ACOX2: variants seen among roughly 807,000 people sequenced by gnomAD.
ACOX2 encodes the protein peroxisomal acyl-coenzyme A oxidase 2.
ACOX2 carries 59 observed loss-of-function variants against 77.5 expected under a neutral mutation model. The observed-to-expected ratio is 0.76, with a 90% CI of 0.62 to 0.95. The LOEUF is 0.95. ACOX2 is among the 40% of genes least tolerant of loss of function. ACOX2 has a pLI of 0.00. For synonymous variants in ACOX2, 317 were observed against 340.1 expected, an observed-to-expected ratio of 0.93 and a Z score of 0.75; for missense variants, 837 against 880.4, an observed-to-expected ratio of 0.95 and a Z score of 0.62.
In ACOX2 at chr3:58,528,751, C is replaced by T; in HGVS notation, c.1155+43G>A. Reference sequence around the variant, plus strand: ...CCCAGTGAGTGGAACAATCTTAGCTCCCAGCGCCTGCCAGCGCCTGCCCCT... The same window carrying T: ...CCCAGTGAGTGGAACAATCTTAGCTTCCAGCGCCTGCCAGCGCCTGCCCCT... On this transcript the variant is annotated intron_variant, in intron 9 of 14. Coordinates refer to ENST00000302819, the MANE Select transcript of ACOX2 (RefSeq NM_003500.4). This position sits in a 1 kb window ranked among gnomAD's most constrained non-coding sequence, Gnocchi z 5.6. 1 of 1,565,218 alleles carries T rather than the reference C, an allele frequency of 6.4e-7. No individual in the cohort carries two copies. Among genetic ancestry groups the T allele is most frequent in the Non-Finnish European group, 8.7e-7 (1 of 1,155,630 alleles).
At position 58,533,370 on chromosome 3, in the gene ACOX2, A is replaced by G. The variant is rs548554003; in HGVS notation, c.583+75T>C. 17 of 1,380,418 alleles carry G rather than the reference A, an allele frequency of 1.2e-5. No individual in the cohort carries two copies. The highest frequency in any genetic ancestry group is 1.6e-5 in the Non-Finnish European group (16 of 980,690). The allele number at this position is 1,380,418 out of a possible 1,614,324, so 85.5% of individuals were successfully genotyped here. ...TCAATCTGAGGTCTGTTGGACCTCA[A>G]AGCCAGTGCTACTCTGCCCTCCAAC... On this transcript the variant is annotated intron_variant, in intron 5 of 14. Coordinates refer to ENST00000302819, the MANE Select transcript of ACOX2 (RefSeq NM_003500.4). This position sits in a 1 kb window ranked among gnomAD's most constrained non-coding sequence, Gnocchi z 5.6.
In ACOX2 at chr3:58,512,486, C is replaced by T. The variant is rs892487190; in HGVS notation, c.1851-3461G>A. Among the ~76,000 whole-genome samples, 3 of 152,086 alleles carry T rather than the reference C, an allele frequency of 2.0e-5. No homozygotes were observed. Among genetic ancestry groups the T allele is most frequent in the Non-Finnish European group, 4.4e-5 (3 of 68,000 alleles). On this transcript the variant is annotated intron_variant, in intron 13 of 14. Coordinates refer to ENST00000302819, the MANE Select transcript of ACOX2 (RefSeq NM_003500.4). This position sits in a 1 kb window ranked among gnomAD's most constrained non-coding sequence, Gnocchi z 4.8. ...GTTGTGTCTATCCAATGCTCAAAAC[C>T]CTCCCATTCTATCCCATGCTCAAAA...
At position 58,515,962 on chromosome 3, in the gene ACOX2, A is replaced by C. The variant is rs1250127625; in HGVS notation, c.1850+1244T>G. 6.9e-6 allele frequency among the ~76,000 whole-genome samples: 1 copy of C among 144,570 alleles called. No individual in the cohort carries two copies. The highest frequency in any genetic ancestry group is 1.5e-5 in the Non-Finnish European group (1 of 66,540). 94.8% of individuals were successfully genotyped at this position (144,570 alleles called of 152,430 possible). On this transcript the variant is annotated intron_variant, in intron 13 of 14. Transcript: ENST00000302819. The surrounding 1 kb of genome is among the most constrained non-coding windows in gnomAD (Gnocchi z 4.0). ...TTTTTTGTAGAGGTGGGGTTTTGCC[A>C]TGTTGCCCAGGCTTTTTTTTTTCTT...
rs978369035 is a variant in ACOX2, at chr3:58,521,394, G to A, written c.1632+1102C>T. Among the ~76,000 whole-genome samples the A allele has an allele frequency of 4.7e-4, 72 of 152,190 alleles. No individual in the cohort carries two copies. The highest frequency in any genetic ancestry group is 5.6e-4 in the Non-Finnish European group (38 of 68,036). On this transcript the variant is annotated intron_variant, in intron 12 of 14. Coordinates refer to ENST00000302819, the MANE Select transcript of ACOX2 (RefSeq NM_003500.4). The surrounding 1 kb of genome is among the most constrained non-coding windows in gnomAD (Gnocchi z 4.8). The stretch of plus-strand genomic sequence containing the variant: ...TCACTTTAGTTTTCCAGTTATTGGC[G>A]GTGCCAGAGTCCCAGCTGCCTAAGC...
Position 58,522,481 on chromosome 3 carries a change from C to A in ACOX2, c.1632+15G>T, listed in dbSNP as rs764046245. The A allele has an allele frequency of 4.2e-5, 67 of 1,612,630 alleles. No individual in the cohort carries two copies. Among genetic ancestry groups the A allele is most frequent in the Non-Finnish European group, 2.3e-5 (27 of 1,178,806 alleles). The stretch of plus-strand genomic sequence containing the variant: ...CAAAATGGATCCCTTTCAGCTTCAG[C>A]TGGCAGGCGCTCACCTTAGCAGCCT... On this transcript the variant is annotated intron_variant, in intron 12 of 14. Coordinates refer to ENST00000302819, the MANE Select transcript of ACOX2 (RefSeq NM_003500.4). The surrounding 1 kb of genome is among the most constrained non-coding windows in gnomAD (Gnocchi z 4.3).
At chr3:58,508,451 A>T (rs898213618) in intron 14 of ACOX2, among the ~76,000 whole-genome samples, 1 of 152,228 alleles carries the variant, frequency 6.6e-6, no homozygotes, top group African/African-American at 2.4e-5. Context: ...TAAGAGAGAC[A>T]TCCCTCAAGC....
At position 58,528,400 on chromosome 3, in the gene ACOX2, A is replaced by G. The variant is rs1181780993; in HGVS notation, c.1155+394T>C. Reference sequence around the variant, plus strand: ...AGTGGGGTTTGGGGCAGCTTTAGTGATTAAACACATTAATAATTTTACTGC... The same window carrying G: ...AGTGGGGTTTGGGGCAGCTTTAGTGGTTAAACACATTAATAATTTTACTGC... On this transcript the variant is annotated intron_variant, in intron 9 of 14. Coordinates refer to ENST00000302819, the MANE Select transcript of ACOX2 (RefSeq NM_003500.4). This position sits in a 1 kb window ranked among gnomAD's most constrained non-coding sequence, Gnocchi z 5.6. Among the ~76,000 whole-genome samples the G allele has an allele frequency of 6.6e-6, 1 of 152,218 alleles. No homozygotes were observed. Among genetic ancestry groups the G allele is most frequent in the Non-Finnish European group, 1.5e-5 (1 of 68,036 alleles).
intron 13 of ACOX2, among the ~76,000 whole-genome samples, chr3:58,510,689 TATATATATATATATATATATACACACAC>T (rs1176461141): frequency 0.05 from 801 of 16,056 alleles, 127 homozygotes; most frequent in East Asian, 0.17. Flanking sequence ...TATATATATA[TATATATATATATATATATATACACACAC>T]ACACACACAC....
rs2063228435 is a variant in ACOX2, at chr3:58,505,600, A to G, written c.1984-314T>C. Among the ~76,000 whole-genome samples, 1 of 152,216 alleles carries G rather than the reference A, an allele frequency of 6.6e-6. No individual in the cohort carries two copies. ...TGAGGCTCTCTGAAACTGAACATTAATCACAAAGCAAGGAACCAGATAGGG... is the reference window on the plus strand; with the variant it reads ...TGAGGCTCTCTGAAACTGAACATTAGTCACAAAGCAAGGAACCAGATAGGG... On this transcript the variant is annotated intron_variant, in intron 14 of 14. Coordinates refer to ENST00000302819, the MANE Select transcript of ACOX2 (RefSeq NM_003500.4). This position sits in a 1 kb window ranked among gnomAD's most constrained non-coding sequence, Gnocchi z 4.4.
At chr3:58,509,160 T>A (rs769767733) in intron 13 of ACOX2, 135 bp from the exon 14 acceptor site, 40 of 1,080,356 alleles carry the variant, frequency 3.7e-5, no homozygotes, top group Non-Finnish European at 4.9e-5. Context: ...CATTTTTTTT[T>A]AGTTTTTATT....
chr3:58,531,336 A>G lies in ACOX2; in HGVS notation c.734T>C (p.Met245Thr). ...GCCATTGTCTGTTTGATCAAAGTCC[A>G]TCTTGGGTCCGATGTCCCCAATGAT... is the stretch of plus-strand genomic sequence containing the variant. ...GIIIGDIGPK[M>T]DFDQTDNGFL... The change falls in exon 7 of 15, where the codon ATG becomes ACG. Residue 245 changes from methionine (M) to threonine (T), a missense_variant. Physicochemically the swap from Met to Thr is moderately conservative, Grantham distance 81. Coordinates refer to ENST00000302819, the MANE Select transcript of ACOX2 (RefSeq NM_003500.4). This position sits in a 1 kb window ranked among gnomAD's most constrained non-coding sequence, Gnocchi z 5.8. 6.2e-7 allele frequency: 1 copy of G among 1,614,040 alleles called. No individual in the cohort carries two copies. The highest frequency in any genetic ancestry group is 2.2e-5 in the East Asian group (1 of 44,862).
In ACOX2 at chr3:58,535,795, C is replaced by A. The variant is rs993494655; in HGVS notation, c.-91-598G>T. 6.6e-5 allele frequency among the ~76,000 whole-genome samples: 10 copies of A among 152,150 alleles called. No individual in the cohort carries two copies. The highest frequency in any genetic ancestry group is 2.4e-4 in the African/African-American group (10 of 41,426). ...AGTGTCTTTCATACCCAGGTTGGAC[C>A]CTGTCTCCTTCATGGCAAGTGCTTG... On this transcript the variant is annotated intron_variant, in intron 1 of 14. Coordinates refer to ENST00000302819, the MANE Select transcript of ACOX2 (RefSeq NM_003500.4). This position sits in a 1 kb window ranked among gnomAD's most constrained non-coding sequence, Gnocchi z 4.8.
chr3:58,536,377 C>T (rs2063481372), intron 1 of ACOX2, among the ~76,000 whole-genome samples: 2 of 152,200 alleles, frequency 1.3e-5, no homozygotes, highest in East Asian at 3.9e-4. Context: ...CTGACCTCAA[C>T]CTGACAGATG....
intron 5 of ACOX2, among the ~76,000 whole-genome samples, chr3:58,532,893 T>C (rs1451800220): frequency 2.0e-5 from 3 of 152,138 alleles, no homozygotes; most frequent in African/African-American, 7.2e-5. Flanking sequence ...TGGGGCTTGG[T>C]AAATCACCAA....
chr3:58,506,095 T>C lies in ACOX2; in HGVS notation c.1984-809A>G, dbSNP rs984960975. Among the ~76,000 whole-genome samples, 6 of 152,286 alleles carry C rather than the reference T, an allele frequency of 3.9e-5. No individual in the cohort carries two copies. In the South Asian group the frequency reaches 1.0e-3, roughly 26 times the overall value. On this transcript the variant is annotated intron_variant, in intron 14 of 14. Coordinates refer to ENST00000302819, the MANE Select transcript of ACOX2 (RefSeq NM_003500.4). ...CTTGAGCCACTGCACTCAGTCTGGGTTTATGACTCTTGTTCTCCAGTGTAT... is the reference window on the plus strand; with the variant it reads ...CTTGAGCCACTGCACTCAGTCTGGGCTTATGACTCTTGTTCTCCAGTGTAT...
chr3:58,536,287 C>T (rs998601214), intron 1 of ACOX2, among the ~76,000 whole-genome samples: 1 of 152,140 alleles, frequency 6.6e-6, no homozygotes, highest in Non-Finnish European at 1.5e-5. Flanking sequence ...CCTGGGAGGC[C>T]AGCTCTGCAT....
Position 58,523,530 on chromosome 3 carries a change from T to C in ACOX2, c.1526+896A>G, listed in dbSNP as rs761907323. Among the ~76,000 whole-genome samples the C allele has an allele frequency of 2.0e-5, 3 of 152,214 alleles. No homozygotes were observed. The highest frequency in any genetic ancestry group is 4.4e-5 in the Non-Finnish European group (3 of 68,032). On this transcript the variant is annotated intron_variant, in intron 11 of 14. Transcript: ENST00000302819. This position sits in a 1 kb window ranked among gnomAD's most constrained non-coding sequence, Gnocchi z 5.3. ...TATTAACCATCCCTGGGACCACAGG[T>C]TGGGATATAAGACCTCTTATTATAT...
chr3:58,521,273 GA>G lies in ACOX2; in HGVS notation c.1632+1222del, dbSNP rs2063356457. Among the ~76,000 whole-genome samples, 1 of 152,206 alleles carries G rather than the reference GA, an allele frequency of 6.6e-6. No homozygotes were observed. The highest frequency in any genetic ancestry group is 2.4e-5 in the African/African-American group (1 of 41,456). On this transcript the variant is annotated intron_variant, in intron 12 of 14. Transcript: ENST00000302819. The surrounding 1 kb of genome is among the most constrained non-coding windows in gnomAD (Gnocchi z 4.8). ...GTGGTGCTCAACGTCCAGCCTGCCT[GA>G]CCAGCCCTGTCCCACGAGGGCCTCT...
Position 58,533,704 on chromosome 3 carries a change from T to C in ACOX2, c.476-152A>G. 1 of 721,636 alleles carries C rather than the reference T, an allele frequency of 1.4e-6. No individual in the cohort carries two copies. 44.7% of individuals were successfully genotyped at this position (721,636 alleles called of 1,614,324 possible). On this transcript the variant is annotated intron_variant, in intron 4 of 14. Coordinates refer to ENST00000302819, the MANE Select transcript of ACOX2 (RefSeq NM_003500.4). The surrounding 1 kb of genome is among the most constrained non-coding windows in gnomAD (Gnocchi z 5.6). Reference sequence around the variant, plus strand: ...ACTTGCAGGCAGTTCTCCCCTTTCATCTGTGGGCTGTGTGTGGGACACACA... The same window carrying C: ...ACTTGCAGGCAGTTCTCCCCTTTCACCTGTGGGCTGTGTGTGGGACACACA...
Sources: gnomAD v4.1 joint callset for allele counts (sites outside exome capture counted in the v4.1 genomes callset) on GRCh38, gnomAD v4.1.1 for gene constraint, Gnocchi (gnomAD v3.1) non-coding constraint, MANE v1.5 for transcripts, NCBI Gene and HGNC (gene_info 2026-07-23, HGNC 2026-07-21) for gene names.